ABCB7: variants seen among roughly 807,000 people sequenced by gnomAD.
The protein encoded by ABCB7 is iron-sulfur clusters transporter ABCB7, mitochondrial.
Under a neutral mutation model 54.4 loss-of-function variants are expected in ABCB7, and 7 were observed. That is an observed-to-expected ratio of 0.13 (90% CI 0.07 to 0.24). The LOEUF is 0.24. Among genes scored for constraint, ABCB7 ranks in the 10% least tolerant of loss-of-function variants. The pLI is 1.00. For missense variants in ABCB7, 356 were observed against 570.4 expected (o/e 0.62, Z 3.83); for synonymous variants, 218 against 207.1 (o/e 1.05, Z -0.45).
At chrX:75,064,814 G>T (rs1011129691) in intron 13 of ABCB7, among the ~76,000 whole-genome samples, 14 of 109,548 alleles carry the variant, frequency 1.3e-4, no homozygotes, top group Admixed American at 1.3e-3. Flanking sequence ...AGCATATTTT[G>T]ATAACTTACT....
intron 1 of ABCB7, among the ~76,000 whole-genome samples, chrX:75,132,268 C>T (rs1043324217): frequency 8.9e-6 from 1 of 112,097 alleles, no homozygotes; most frequent in Non-Finnish European, 1.9e-5. Flanking sequence ...CACAGCTCTC[C>T]TATGAAGAAG....
intron 4 of ABCB7, among the ~76,000 whole-genome samples, chrX:75,084,093 A>G (rs899148196): frequency 1.5e-4 from 17 of 111,060 alleles, no homozygotes; most frequent in African/African-American, 4.9e-4. Flanking sequence ...TGAAGATGGA[A>G]TAAGAGGCCC....
intron 1 of ABCB7, among the ~76,000 whole-genome samples, chrX:75,148,305 G>A (rs2082106867): frequency 9.0e-6 from 1 of 110,644 alleles, no homozygotes; most frequent in Non-Finnish European, 1.9e-5. Flanking sequence ...AACAAGTACA[G>A]TATATCAAAC....
chrX:75,056,981 T>A (rs1356531431), intron 15 of ABCB7, among the ~76,000 whole-genome samples: 11 of 112,310 alleles, frequency 9.8e-5, no homozygotes, highest in Non-Finnish European at 1.9e-5. Flanking sequence ...TTGGCTTAAT[T>A]CTATTTTTCT....
intron 15 of ABCB7, 142 bp from the exon 16 acceptor site, chrX:75,053,727 A>T: frequency 1.0e-6 from 1 of 962,268 alleles, no homozygotes; most frequent in Non-Finnish European, 1.4e-6. Context: ...TACACAGTAT[A>T]AGTGAAAAAA....
Position 75,073,946 on chromosome X carries a change from C to T in ABCB7, c.866G>A (p.Cys289Tyr). The T allele has an allele frequency of 8.3e-7, 1 of 1,204,225 alleles. No individual in the cohort carries two copies. Among genetic ancestry groups the T allele is most frequent in the Admixed American group, 2.2e-5 (1 of 45,939 alleles). The change falls in exon 7 of 16, where the codon TGC (cysteine) becomes TAC (tyrosine). Residue 289 changes from cysteine (C) to tyrosine (Y), a missense_variant. Physicochemically the swap from Cys to Tyr is radical, Grantham distance 194 (BLOSUM62 -2). This residue lies in a region of ABCB7 where 241 missense variants were observed against 470.9 expected (regional missense o/e 0.51). Transcript: ENST00000373394. Reference protein sequence around the residue: ...MLVSGVLYYKCGAQFALVTLG... With the variant: ...MLVSGVLYYKYGAQFALVTLG... ...GGTTACCAAAGCAAACTGGGCACCG[C>T]ATTTGTAATACTAGAAAAGGAAGTC...
intron 1 of ABCB7, among the ~76,000 whole-genome samples, chrX:75,139,603 T>A (rs1206498700): frequency 3.6e-5 from 4 of 112,147 alleles, no homozygotes; most frequent in Admixed American, 9.5e-5. Context: ...TTTATTTAGG[T>A]TTAAACTCAC....
Position 75,071,694 on chromosome X carries a change from T to C in ABCB7, c.1033-11A>G, listed in dbSNP as rs770439607. 3.7e-6 allele frequency: 4 copies of C among 1,078,741 alleles called. No individual in the cohort carries two copies. The highest frequency in any genetic ancestry group is 5.1e-6 in the Non-Finnish European group (4 of 791,691). 88.9% of individuals were successfully genotyped at this position (1,078,741 alleles called of 1,213,427 possible). ...TTCATTATTAAAATACTACAAAATA[T>C]ATAAAAATAACTATAGGCAAGTATA... On this transcript the variant is annotated splice_polypyrimidine_tract_variant and intron_variant, in intron 8 of 15. Transcript: ENST00000373394.
At chrX:75,111,846 G>T (rs2081762849) in intron 3 of ABCB7, among the ~76,000 whole-genome samples, 1 of 112,121 alleles carries the variant, frequency 8.9e-6, no homozygotes, top group African/African-American at 3.2e-5. Context: ...GTTGTGTTTA[G>T]ATTATTAGCA....
chrX:75,125,855 A>C (rs2081922023), intron 1 of ABCB7, among the ~76,000 whole-genome samples: 1 of 110,383 alleles, frequency 9.1e-6, no homozygotes, highest in Admixed American at 9.7e-5. Context: ...ATCCCCCCCC[A>C]AAAAGATACA....
chrX:75,114,392 T>C (rs1266804345), intron 2 of ABCB7, among the ~76,000 whole-genome samples: 2 of 112,204 alleles, frequency 1.8e-5, no homozygotes, highest in Non-Finnish European at 3.8e-5. Flanking sequence ...TAGAATCCCT[T>C]GGTATTTCTA....
chrX:75,130,491 G>A (rs28465068), intron 1 of ABCB7, among the ~76,000 whole-genome samples: 1,497 of 112,591 alleles, frequency 0.013, 17 homozygotes, highest in African/African-American at 0.046. Context: ...CAATGGGGAT[G>A]GCAGCTTGCA....
Position 75,104,047 on chromosome X carries a change from G to GTTTTTTTTTTTTTT in ABCB7, c.334-5000_334-4987dup, listed in dbSNP as rs757074347. Among the ~76,000 whole-genome samples, 35 of 13,434 alleles carry GTTTTTTTTTTTTTT rather than the reference G, an allele frequency of 2.6e-3. 9 individuals carry two copies. In the East Asian group the frequency reaches 0.05, roughly 19 times the overall value. 11.7% of individuals were successfully genotyped at this position (13,434 alleles called of 115,157 possible). A position where few individuals can be genotyped will look rare whatever the true frequency, so the allele number is the denominator to read the frequency against. On this transcript the variant is annotated intron_variant, in intron 3 of 15. Coordinates refer to ENST00000373394, the MANE Select transcript of ABCB7 (RefSeq NM_001271696.3). ...AAATGGGCATCCCTGTCTTGTTACAGTTTTTTTTTTTTTTTTTTTTTTTTT... is the reference window on the plus strand; with the variant it reads ...AAATGGGCATCCCTGTCTTGTTACAGTTTTTTTTTTTTTTTTTTTTTTTTTTTTTTTTTTTTTTT...
intron 1 of ABCB7, among the ~76,000 whole-genome samples, chrX:75,131,218 C>G (rs1366790999): frequency 9.2e-6 from 1 of 108,232 alleles, no homozygotes; most frequent in African/African-American, 3.4e-5. Flanking sequence ...AAGAGTAATA[C>G]TAGATGCAAA....
chrX:75,123,483 T>G (rs1174440062), intron 1 of ABCB7, among the ~76,000 whole-genome samples: 1 of 112,004 alleles, frequency 8.9e-6, no homozygotes, highest in Non-Finnish European at 1.9e-5. Flanking sequence ...TGTTCCTCTC[T>G]CTCAAGATTG....
chrX:75,149,836 T>C (rs1281730788), intron 1 of ABCB7, among the ~76,000 whole-genome samples: 1 of 110,380 alleles, frequency 9.1e-6, no homozygotes, highest in African/African-American at 3.3e-5. Context: ...AGGCACCAGT[T>C]AGAGAGAGGG....
intron 15 of ABCB7, among the ~76,000 whole-genome samples, chrX:75,055,583 C>T (rs1484709493): frequency 1.1e-5 from 1 of 91,608 alleles, no homozygotes; most frequent in African/African-American, 3.9e-5. Context: ...AAAAAAACAA[C>T]CAAAAAACAC....
chrX:75,122,682 T>C (rs1182357200), intron 1 of ABCB7, among the ~76,000 whole-genome samples: 2 of 112,502 alleles, frequency 1.8e-5, no homozygotes, highest in African/African-American at 6.5e-5. Context: ...CCAACACTTG[T>C]TATCTCTTAT....
At position 75,090,930 on chromosome X, in the gene ABCB7, T is replaced by C. The variant is rs143269876; in HGVS notation, c.453+8012A>G. On this transcript the variant is annotated intron_variant, in intron 4 of 15. Coordinates refer to ENST00000373394, the MANE Select transcript of ABCB7 (RefSeq NM_001271696.3). ...TTCCTATAGAAGATACATTGATAAA[T>C]TGAATTGGTCTGTATCTATTAAATA... 2.3e-3 allele frequency among the ~76,000 whole-genome samples: 255 copies of C among 111,502 alleles called. 1 individual carries two copies. In the East Asian group the frequency reaches 0.053, roughly 23 times the overall value.
Sources: allele counts gnomAD v4.1 joint callset (sites outside exome capture counted in the v4.1 genomes callset), GRCh38; gene constraint gnomAD v4.1.1; regional missense constraint gnomAD v4.1.1; transcripts MANE v1.5; gene names NCBI Gene and HGNC (gene_info 2026-07-23, HGNC 2026-07-21).